ENAH: variants seen among roughly 807,000 people sequenced by gnomAD.
ENAH encodes protein enabled homolog.
Under a neutral mutation model 78.7 loss-of-function variants are expected in ENAH, and 23 were observed. That is an observed-to-expected ratio of 0.29 (90% CI 0.21 to 0.41). The LOEUF is 0.41. Ranked by LOEUF, ENAH falls within the 10% of genes least tolerant of loss-of-function variation. The probability of loss-of-function intolerance (pLI) is 1.00; values close to 1 mark genes in which losing one functional copy is unlikely to be tolerated. For synonymous variants in ENAH, 226 were observed against 241.0 expected (o/e 0.94, Z 0.58); for missense variants, 544 against 691.0 (o/e 0.79, Z 2.39).
chr1:225,565,575 A>G (rs1447880326), intron 2 of ENAH, among the ~76,000 whole-genome samples: 2 of 152,326 alleles, frequency 1.3e-5, no homozygotes, highest in East Asian at 3.9e-4. Context: ...CTTTACAGCT[A>G]TTAGTTTGGA....
chr1:225,517,689 G>A, intron 5 of ENAH: 4 of 1,551,186 alleles, frequency 2.6e-6, no homozygotes, highest in Non-Finnish European at 3.5e-6. Flanking sequence ...AAGAGGGTGT[G>A]TTCACAGGAG....
chr1:225,564,496 T>C (rs1020394360), intron 2 of ENAH, among the ~76,000 whole-genome samples: 1 of 149,822 alleles, frequency 6.7e-6, no homozygotes, highest in Non-Finnish European at 1.5e-5. Context: ...GGTTTCACCA[T>C]GTTAGTCAGG....
At chr1:225,578,535 T>G (rs1039462109) in intron 1 of ENAH, among the ~76,000 whole-genome samples, 1 of 152,138 alleles carries the variant, frequency 6.6e-6, no homozygotes, top group African/African-American at 2.4e-5. Context: ...TTATCTAGGG[T>G]GGGAACCTGC....
At chr1:225,613,349 C>A (rs34573848) in intron 1 of ENAH, among the ~76,000 whole-genome samples, 9,961 of 152,254 alleles carry the variant, frequency 0.065, 420 homozygotes, top group Middle Eastern at 0.1. Flanking sequence ...ACATCCTTCT[C>A]CTCCATTCAG....
intron 3 of ENAH, among the ~76,000 whole-genome samples, chr1:225,532,673 A>C (rs1484987708): frequency 6.6e-6 from 1 of 152,158 alleles, no homozygotes; most frequent in African/African-American, 2.4e-5. Flanking sequence ...TAACTCACAA[A>C]AGCTGAGAAA....
At chr1:225,585,715 GGAGGCT>G (rs1189843276) in intron 1 of ENAH, among the ~76,000 whole-genome samples, 2 of 152,162 alleles carry the variant, frequency 1.3e-5, no homozygotes, top group Non-Finnish European at 2.9e-5. Context: ...CTTGAGCCCA[GGAGGCT>G]GAGGCTGCAG....
rs748530242 is a variant in ENAH, at chr1:225,599,022, T to G, written c.6-31608A>C. Among the ~76,000 whole-genome samples the G allele has an allele frequency of 2.6e-5, 4 of 152,270 alleles. No individual in the cohort carries two copies. In the East Asian group the frequency reaches 7.7e-4, roughly 29 times the overall value. On this transcript the variant is annotated intron_variant, in intron 1 of 13. Coordinates refer to ENST00000366843, the MANE Select transcript of ENAH (RefSeq NM_018212.6). ...AATAATCAAACTTAATTTCGCAATA[T>G]TGGGAAAACTGCCATCAGGTGCCTC... is the stretch of plus-strand genomic sequence containing the variant.
chr1:225,528,219 G>A (rs1374754609), intron 4 of ENAH, among the ~76,000 whole-genome samples: 2 of 152,140 alleles, frequency 1.3e-5, no homozygotes, highest in East Asian at 1.9e-4. Context: ...AAACACGTAG[G>A]AAGAAAATAC....
intron 1 of ENAH, among the ~76,000 whole-genome samples, chr1:225,615,969 T>G (rs2097028985): frequency 6.6e-6 from 1 of 152,320 alleles, no homozygotes; most frequent in East Asian, 1.9e-4. Flanking sequence ...GGAGACTCCA[T>G]TTTGTTCTGT....
intron 1 of ENAH, among the ~76,000 whole-genome samples, chr1:225,620,062 T>A (rs1034848729): frequency 1.3e-5 from 2 of 152,076 alleles, no homozygotes; most frequent in African/African-American, 4.8e-5. Context: ...GTGTACTACT[T>A]GAGAACGTAC....
chr1:225,599,811 A>AC (rs1220421812), intron 1 of ENAH, among the ~76,000 whole-genome samples: 1 of 151,048 alleles, frequency 6.6e-6, no homozygotes, highest in Non-Finnish European at 1.5e-5. Flanking sequence ...AAAAAAAAAA[A>AC]AAAAAAAAAA....
chr1:225,625,405 G>C (rs1484192724), intron 1 of ENAH, among the ~76,000 whole-genome samples: 1 of 152,156 alleles, frequency 6.6e-6, no homozygotes, highest in African/African-American at 2.4e-5. Flanking sequence ...TTAAGACATA[G>C]TTGAACTCCT....
At chr1:225,498,057 T>C (rs1238963015) in intron 13 of ENAH, among the ~76,000 whole-genome samples, 1 of 152,200 alleles carries the variant, frequency 6.6e-6, no homozygotes, top group African/African-American at 2.4e-5. Context: ...AAGAGGACAC[T>C]GGGATAGGTG....
intron 1 of ENAH, among the ~76,000 whole-genome samples, chr1:225,591,286 T>C (rs938723021): frequency 6.6e-6 from 1 of 152,008 alleles, no homozygotes; most frequent in Non-Finnish European, 1.5e-5. Flanking sequence ...CTGGCTAACA[T>C]GGTGAAACCC....
At chr1:225,557,419 C>A (rs994066722) in intron 2 of ENAH, among the ~76,000 whole-genome samples, 2 of 152,142 alleles carry the variant, frequency 1.3e-5, no homozygotes, top group Admixed American at 6.5e-5. Flanking sequence ...GTATTTATCT[C>A]CATACACTGG....
intron 1 of ENAH, among the ~76,000 whole-genome samples, chr1:225,613,145 C>T (rs920540039): frequency 6.6e-6 from 1 of 152,292 alleles, no homozygotes; most frequent in African/African-American, 2.4e-5. Context: ...GCCTTTGGAC[C>T]TCTTCTGCTT....
intron 1 of ENAH, among the ~76,000 whole-genome samples, chr1:225,604,718 A>T (rs975358309): frequency 6.6e-6 from 1 of 151,996 alleles, no homozygotes; most frequent in African/African-American, 2.4e-5. Context: ...GCTTAAGCCC[A>T]TGAGGCAGGG....
chr1:225,555,635 T>C (rs1014078565), intron 2 of ENAH, among the ~76,000 whole-genome samples: 1 of 151,790 alleles, frequency 6.6e-6, no homozygotes, highest in Admixed American at 6.6e-5. Flanking sequence ...TCATTAAATA[T>C]ATTTTAACTT....
At position 225,486,980 on chromosome 1, in the gene ENAH, A is replaced by G. The variant is rs1407174812; in HGVS notation, c.*10795T>C. The G allele has an allele frequency of 1.3e-5, 2 of 152,690 alleles. No individual in the cohort carries two copies. The highest frequency in any genetic ancestry group is 2.9e-5 in the Non-Finnish European group (2 of 68,044). The allele number at this position is 152,690 out of a possible 1,614,324, so 9.5% of individuals were successfully genotyped here. On this transcript the variant is annotated 3_prime_UTR_variant, in exon 14 of 14. Transcript: ENST00000366843. ...TTTCAACGATGTGGCCACTTAATGCAAACACAGGGGTCTGATGCTGCAAAC... is the reference window on the plus strand; with the variant it reads ...TTTCAACGATGTGGCCACTTAATGCGAACACAGGGGTCTGATGCTGCAAAC...
Sources: allele counts gnomAD v4.1 joint callset (sites outside exome capture counted in the v4.1 genomes callset), GRCh38; gene constraint gnomAD v4.1.1; transcripts MANE v1.5; gene names NCBI Gene and HGNC (gene_info 2026-07-23, HGNC 2026-07-21).